Variants in SATL1 observed in about 807,000 individuals in gnomAD.
SATL1 encodes the protein spermidine/spermine N1-acetyl transferase like 1.
A neutral mutation model predicts 51.8 loss-of-function variants in SATL1; 47 were observed. That is an observed-to-expected ratio of 0.91 (90% confidence interval 0.72 to 1.16). The LOEUF (loss-of-function observed/expected upper bound fraction) is 1.16. SATL1 is among the 50% of genes most tolerant of loss of function. The pLI is 0.00. For synonymous variants in SATL1, 176 were observed against 182.4 expected (o/e 0.97, Z 0.28); for missense variants, 520 against 526.4 (o/e 0.99, Z 0.12).
rs771609924 is a variant in SATL1 at position 85,132,517 on chromosome X, T to C, written c.-312-23237A>G. On this transcript the variant is annotated intron_variant, in intron 2 of 7. Coordinates refer to ENST00000644105, the MANE Select transcript of SATL1 (RefSeq NM_001367857.2). ...AGCTCCATCAGGTCATTTAAGGTCT[T>C]TTCTACACTGTTTATTCTAGTTAGC... Among the ~76,000 whole-genome samples, 5 of 112,135 alleles carry C rather than the reference T, an allele frequency of 4.5e-5. No individual in the cohort carries two copies. In the South Asian group the frequency reaches 1.9e-3, roughly 42 times the overall value.
intron 2 of SATL1, among the ~76,000 whole-genome samples, chrX:85,168,813 A>G (rs1926905279): frequency 8.9e-6 from 1 of 112,106 alleles, no homozygotes; most frequent in Admixed American, 9.5e-5. Context: ...CCGAATAGCC[A>G]CAACAATCCT....
intron 2 of SATL1, among the ~76,000 whole-genome samples, chrX:85,121,226 T>C (rs1011544933): frequency 6.5e-5 from 7 of 107,782 alleles, no homozygotes; most frequent in Non-Finnish European, 1.1e-4. Flanking sequence ...TAAGGGATTG[T>C]TATATGATTT....
chrX:85,182,715 A>G (rs1328885415), intron 2 of SATL1, among the ~76,000 whole-genome samples: 2 of 111,733 alleles, frequency 1.8e-5, no homozygotes, highest in Non-Finnish European at 3.8e-5. Flanking sequence ...GTGTGTAAGA[A>G]TATCTTTTCT....
intron 1 of SATL1, among the ~76,000 whole-genome samples, chrX:85,237,148 A>G (rs1242087153): frequency 1.8e-5 from 2 of 111,469 alleles, no homozygotes; most frequent in African/African-American, 6.5e-5. Context: ...GAATAGGACA[A>G]AACAATGAAA....
intron 2 of SATL1, among the ~76,000 whole-genome samples, chrX:85,196,278 G>GA (rs1927559529): frequency 9.0e-6 from 1 of 110,937 alleles, no homozygotes; most frequent in Non-Finnish European, 1.9e-5. Context: ...ATAAATTAAG[G>GA]AAAAAATAAA....
At chrX:85,092,733 A>C in intron 7 of SATL1, 172 bp from the exon 8 acceptor site, 1 of 453,354 alleles carries the variant, frequency 2.2e-6, no homozygotes, top group Non-Finnish European at 3.5e-6. Flanking sequence ...AAAAAGTCTC[A>C]CTGTTCTGAG....
At chrX:85,148,973 T>C (rs1478682084) in intron 2 of SATL1, among the ~76,000 whole-genome samples, 2 of 110,488 alleles carry the variant, frequency 1.8e-5, no homozygotes, top group Non-Finnish European at 3.8e-5. Flanking sequence ...CAATATTAAC[T>C]TTAAATGTAA....
At chrX:85,177,745 G>C (rs1464682331) in intron 2 of SATL1, among the ~76,000 whole-genome samples, 4 of 111,923 alleles carry the variant, frequency 3.6e-5, no homozygotes, top group Admixed American at 9.5e-5. Flanking sequence ...ATGTGGAAGA[G>C]CAATTATACT....
At chrX:85,192,088 A>G (rs1246129814) in intron 2 of SATL1, among the ~76,000 whole-genome samples, 1 of 110,998 alleles carries the variant, frequency 9.0e-6, no homozygotes, top group African/African-American at 3.3e-5. Context: ...AAATCCATCA[A>G]TTGTCTCCAT....
intron 2 of SATL1, among the ~76,000 whole-genome samples, chrX:85,155,130 T>C (rs1216330075): frequency 9.0e-6 from 1 of 111,703 alleles, no homozygotes. Context: ...TCATGTGGTA[T>C]ACATGTATAT....
chrX:85,130,097 C>T (rs1361196836), intron 2 of SATL1, among the ~76,000 whole-genome samples: 1 of 111,712 alleles, frequency 9.0e-6, no homozygotes, highest in Non-Finnish European at 1.9e-5. Context: ...GGATATTCAT[C>T]TAAAATTCTC....
intron 2 of SATL1, among the ~76,000 whole-genome samples, chrX:85,168,727 C>T (rs1926902028): frequency 8.9e-6 from 1 of 111,776 alleles, no homozygotes; most frequent in African/African-American, 3.2e-5. Flanking sequence ...AATGCTATTT[C>T]TATCAACCTA....
intron 1 of SATL1, among the ~76,000 whole-genome samples, chrX:85,237,469 A>G (rs1928503107): frequency 8.9e-6 from 1 of 111,833 alleles, no homozygotes; most frequent in Non-Finnish European, 1.9e-5. Flanking sequence ...TGGAGTAAAG[A>G]CAGTCTCTTC....
chrX:85,184,157 G>A (rs913844762), intron 2 of SATL1, among the ~76,000 whole-genome samples: 18 of 111,346 alleles, frequency 1.6e-4, no homozygotes, highest in African/African-American at 5.9e-4. Flanking sequence ...TTGAGTATAG[G>A]TGCCACATTT....
At chrX:85,235,594 G>A in intron 1 of SATL1, among the ~76,000 whole-genome samples, 1 of 110,961 alleles carries the variant, frequency 9.0e-6, no homozygotes, top group African/African-American at 3.2e-5. Context: ...GATCAGTGGG[G>A]CAACAAAGAA....
chrX:85,219,850 G>A (rs891271705), intron 2 of SATL1, among the ~76,000 whole-genome samples: 2 of 109,283 alleles, frequency 1.8e-5, no homozygotes, highest in African/African-American at 6.7e-5. Context: ...TGGAATAGAA[G>A]GCTCCACCAA....
chrX:85,101,757 C>A (rs1032156419), intron 4 of SATL1, among the ~76,000 whole-genome samples: 1 of 110,977 alleles, frequency 9.0e-6, no homozygotes, highest in African/African-American at 3.3e-5. Flanking sequence ...TTCACAATAG[C>A]CAAAATTTGG....
chrX:85,135,686 C>G lies in SATL1; in HGVS notation c.-312-26406G>C, dbSNP rs1035330226. Among the ~76,000 whole-genome samples, 6 of 107,290 alleles carry G rather than the reference C, an allele frequency of 5.6e-5. No individual in the cohort carries two copies. The East Asian group carries it at 1.8e-3, about 32-fold the overall frequency. The allele number at this position is 107,290 out of a possible 115,157, so 93.2% of individuals were successfully genotyped here. A position where few individuals can be genotyped will look rare whatever the true frequency, so the allele number is the denominator to read the frequency against. ...TCCCAGACTCAAGCGATCCTCCCCC[C>G]TCAACCCCCGCACCTGAAGTAGCTG... is the stretch of plus-strand genomic sequence containing the variant. On this transcript the variant is annotated intron_variant, in intron 2 of 7. Transcript: ENST00000644105.
intron 2 of SATL1, among the ~76,000 whole-genome samples, chrX:85,163,965 G>T (rs138920729): frequency 2.7e-5 from 3 of 111,741 alleles, no homozygotes; most frequent in Non-Finnish European, 3.8e-5. Flanking sequence ...ATATATTTAG[G>T]ACTGTGATAT....
Sources: gnomAD v4.1 joint callset for allele counts (sites outside exome capture counted in the v4.1 genomes callset) on GRCh38, gnomAD v4.1.1 for gene constraint, MANE v1.5 for transcripts, NCBI Gene and HGNC (gene_info 2026-07-23, HGNC 2026-07-21) for gene names.